Variants in PDE4B observed in about 807,000 individuals in gnomAD.
PDE4B encodes the protein 3',5'-cyclic-AMP phosphodiesterase 4B.
In PDE4B, 20 loss-of-function variants were observed where a neutral mutation model predicts 82.2. That is an observed-to-expected ratio of 0.24 (90% CI 0.17 to 0.35). The LOEUF is 0.35. PDE4B is among the 10% of genes least tolerant of loss of function. The pLI is 1.00. For synonymous variants in PDE4B, 320 were observed against 318.9 expected, an observed-to-expected ratio of 1.00 and a Z score of -0.04; for missense variants, 655 against 907.2, an observed-to-expected ratio of 0.72 and a Z score of 3.57.
chr1:66,273,918 A>C (rs1490399462), intron 7 of PDE4B, among the ~76,000 whole-genome samples: 2 of 152,276 alleles, frequency 1.3e-5, no homozygotes, highest in Admixed American at 6.5e-5. Context: ...GTGACTTTCA[A>C]GGCACTTGAA....
chr1:65,839,249 C>A (rs913210330), intron 1 of PDE4B, among the ~76,000 whole-genome samples: 9 of 151,148 alleles, frequency 6.0e-5, no homozygotes, highest in African/African-American at 2.2e-4. Context: ...CATTCAATAC[C>A]AATGATTTTT....
intron 3 of PDE4B, among the ~76,000 whole-genome samples, chr1:66,040,004 G>A (rs565452163): frequency 8.4e-4 from 127 of 151,908 alleles, no homozygotes; most frequent in Non-Finnish European, 1.2e-3. Flanking sequence ...GGAAGGAGCC[G>A]GGATTCTTCA....
At chr1:66,075,924 C>A (rs1381956471) in intron 3 of PDE4B, among the ~76,000 whole-genome samples, 1 of 21,374 alleles carries the variant, frequency 4.7e-5, no homozygotes, top group Non-Finnish European at 1.5e-4. Context: ...CAAAACAAAA[C>A]AAAAAAAACA....
At chr1:66,131,774 T>A (rs553905481) in intron 3 of PDE4B, among the ~76,000 whole-genome samples, 1 of 151,630 alleles carries the variant, frequency 6.6e-6, no homozygotes, top group East Asian at 1.9e-4. Context: ...GAACAATGAA[T>A]GAGAAACATG....
intron 3 of PDE4B, among the ~76,000 whole-genome samples, chr1:65,932,177 G>A (rs1647872740): frequency 6.6e-6 from 1 of 151,494 alleles, no homozygotes; most frequent in Admixed American, 6.6e-5. Flanking sequence ...GAACAAATAT[G>A]GTGGTTTGAT....
intron 4 of PDE4B, among the ~76,000 whole-genome samples, chr1:66,252,017 A>C (rs1290542421): frequency 1.3e-5 from 2 of 152,162 alleles, no homozygotes; most frequent in Admixed American, 1.3e-4. Flanking sequence ...AGAGCCAAAC[A>C]GGAGGCTGCC....
chr1:66,007,054 C>T (rs1023212520), intron 3 of PDE4B, among the ~76,000 whole-genome samples: 3 of 152,026 alleles, frequency 2.0e-5, no homozygotes, highest in Non-Finnish European at 4.4e-5. Context: ...GATCCTTGAG[C>T]CCAGCAATTC....
intron 7 of PDE4B, among the ~76,000 whole-genome samples, chr1:66,304,661 G>A (rs751314422): frequency 6.6e-6 from 1 of 152,108 alleles, no homozygotes; most frequent in Non-Finnish European, 1.5e-5. Flanking sequence ...CATCTGGGAA[G>A]CCTTTTGACA....
chr1:66,215,263 A>T (rs1227210524), intron 3 of PDE4B, among the ~76,000 whole-genome samples: 1 of 152,202 alleles, frequency 6.6e-6, no homozygotes, highest in Non-Finnish European at 1.5e-5. Flanking sequence ...CTGTAGAAGC[A>T]TATAGTTTTG....
chr1:66,072,864 T>C (rs1166843848), intron 3 of PDE4B, among the ~76,000 whole-genome samples: 2 of 152,058 alleles, frequency 1.3e-5, no homozygotes, highest in Non-Finnish European at 1.5e-5. Flanking sequence ...ATTGCCATAA[T>C]AGAAATGGGA....
At chr1:65,957,383 C>A (rs1649315900) in intron 3 of PDE4B, among the ~76,000 whole-genome samples, 1 of 151,544 alleles carries the variant, frequency 6.6e-6, no homozygotes, top group Non-Finnish European at 1.5e-5. Flanking sequence ...TGTTACACAG[C>A]AAGCTATCAT....
At chr1:66,316,574 G>T (rs1659043642) in intron 7 of PDE4B, among the ~76,000 whole-genome samples, 1 of 152,152 alleles carries the variant, frequency 6.6e-6, no homozygotes, top group Admixed American at 6.5e-5. Flanking sequence ...GTGTTCAGGG[G>T]GAGATTGATT....
rs141630120 is a variant in PDE4B at position 66,268,172 on chromosome 1, T to C, written c.634+2085T>C. ...AAGCCTGACTTAGATAACTGTATTC[T>C]TGTATTGGAGCAATTCAGAGAGAGA... On this transcript the variant is annotated intron_variant, in intron 7 of 16. Transcript: ENST00000341517. 2.6e-4 allele frequency among the ~76,000 whole-genome samples: 39 copies of C among 152,334 alleles called. No individual in the cohort carries two copies. The East Asian group carries it at 7.5e-3, about 29-fold the overall frequency.
intron 3 of PDE4B, among the ~76,000 whole-genome samples, chr1:66,138,153 T>A (rs961772413): frequency 6.6e-6 from 1 of 152,144 alleles, no homozygotes; most frequent in Non-Finnish European, 1.5e-5. Flanking sequence ...TACCTTCTTT[T>A]GGGAAAGCAA....
intron 3 of PDE4B, among the ~76,000 whole-genome samples, chr1:66,232,981 T>C (rs1652102102): frequency 6.6e-6 from 1 of 152,216 alleles, no homozygotes; most frequent in Non-Finnish European, 1.5e-5. Flanking sequence ...TTAAAACACG[T>C]ATTTATAAGG....
chr1:65,989,631 G>T (rs1248377422), intron 3 of PDE4B, among the ~76,000 whole-genome samples: 1 of 152,050 alleles, frequency 6.6e-6, no homozygotes, highest in East Asian at 1.9e-4. Context: ...CTCCTTCTGA[G>T]GTGCCAAGGG....
chr1:65,805,470 G>T (rs1339862261), intron 1 of PDE4B, among the ~76,000 whole-genome samples: 1 of 152,114 alleles, frequency 6.6e-6, no homozygotes, highest in Non-Finnish European at 1.5e-5. Flanking sequence ...TAAGCTGTGT[G>T]TCTAAAGAAA....
intron 3 of PDE4B, among the ~76,000 whole-genome samples, chr1:66,180,485 A>G (rs1484923598): frequency 5.3e-5 from 8 of 152,210 alleles, no homozygotes; most frequent in Admixed American, 5.2e-4. Flanking sequence ...AAAGATAATC[A>G]TAGAAATAAA....
At chr1:65,943,613 T>C (rs1379091346) in intron 3 of PDE4B, among the ~76,000 whole-genome samples, 1 of 152,084 alleles carries the variant, frequency 6.6e-6, no homozygotes, top group Admixed American at 6.6e-5. Context: ...TTTAACAATA[T>C]GAATTCTTCA....
Sources: allele counts gnomAD v4.1 joint callset (sites outside exome capture counted in the v4.1 genomes callset), GRCh38; gene constraint gnomAD v4.1.1; transcripts MANE v1.5; gene names NCBI Gene and HGNC (gene_info 2026-07-23, HGNC 2026-07-21).